Variants in FBXL8 observed in about 807,000 individuals in gnomAD.
FBXL8 encodes the protein F-box/LRR-repeat protein 8.
FBXL8 carries 13 observed loss-of-function variants against 8.2 expected under a neutral mutation model. The ratio of observed to expected loss-of-function variants is 1.58; its 90% CI spans 1.03 to 2.51. The LOEUF is 2.51. Among genes scored for constraint, FBXL8 ranks in the 30% most tolerant of loss-of-function variants. The pLI is 0.00. For missense variants in FBXL8, 565 were observed against 540.4 expected (o/e 1.05, Z -0.45); for synonymous variants, 271 against 260.5 (o/e 1.04, Z -0.39).
In FBXL8 at chr16:67,162,952, G is replaced by A. The variant is rs779380843; in HGVS notation, c.257G>A (p.Arg86His). Residue 86 changes from arginine (R) to histidine (H), a missense_variant, in exon 3 of 3, where the codon CGC becomes CAC. By Grantham distance (29) the Arg-to-His change is conservative (BLOSUM62 0). Transcript: ENST00000258200. ...LEFEPSRKPS[R>H]RAAIELLMVL... The stretch of plus-strand genomic sequence containing the variant: ...TTTGAGCCATCGAGGAAGCCGAGCC[G>A]CCGGGCGGCCATCGAGCTGCTGATG... 6 of 1,559,546 alleles carry A rather than the reference G, an allele frequency of 3.8e-6. No individual in the cohort carries two copies. The highest frequency in any genetic ancestry group is 2.4e-5 in the East Asian group (1 of 41,530).
At position 67,163,597 on chromosome 16, in the gene FBXL8, C is replaced by T. The variant is rs2031021534; in HGVS notation, c.902C>T (p.Ala301Val). The T allele has an allele frequency of 4.4e-6, 7 of 1,575,912 alleles. No homozygotes were observed. The highest frequency in any genetic ancestry group is 6.0e-6 in the Non-Finnish European group (7 of 1,169,996). The change falls in exon 3 of 3, where the codon GCA (alanine) becomes GTA (valine). Residue 301 changes from alanine to valine, a missense_variant. Transcript: ENST00000258200. Reference sequence around the variant, plus strand: ...CGCTTCGCAGCACACCACTACGCCGCAACCCTGTGCGCGCTCGAGGTGCGC... The same window carrying T: ...CGCTTCGCAGCACACCACTACGCCGTAACCCTGTGCGCGCTCGAGGTGCGC... The part of the protein sequence containing the change: ...PVRFAAHHYA[A>V]TLCALEVRAA...
chr16:67,164,045 C>T lies in FBXL8; in HGVS notation c.*225C>T, dbSNP rs1241662984. 1.4e-6 allele frequency: 1 copy of T among 718,730 alleles called. No individual in the cohort carries two copies. The highest frequency in any genetic ancestry group is 2.5e-6 in the Non-Finnish European group (1 of 401,868). 44.5% of individuals were successfully genotyped at this position (718,730 alleles called of 1,614,324 possible). A position where few individuals can be genotyped will look rare whatever the true frequency, so the allele number is the denominator to read the frequency against. On this transcript the variant is annotated 3_prime_UTR_variant, in exon 3 of 3. Transcript: ENST00000258200. Reference sequence around the variant, plus strand: ...CGCCCCACCCGCTCGGTCCTGGACACACTGCCCCCCTCTCTTGCCTCCACC... The same window carrying T: ...CGCCCCACCCGCTCGGTCCTGGACATACTGCCCCCCTCTCTTGCCTCCACC...
chr16:67,163,766 T>C lies in FBXL8; in HGVS notation c.1071T>C (p.Tyr357=), dbSNP rs751048283. ...CGCACTGCCCGCGCCTGCGCACCTA[T>C]ACCCTCAAGCTCACGCGCGAGCCGC... ...FRAHCPRLRT[Y]TLKLTREPHP... Residue 357 remains tyrosine (Y), a synonymous_variant, in exon 3 of 3, where the codon TAT becomes TAC. Transcript: ENST00000258200. 1 of 1,584,254 alleles carries C rather than the reference T, an allele frequency of 6.3e-7. No individual in the cohort carries two copies. Among genetic ancestry groups the C allele is most frequent in the South Asian group, 1.1e-5 (1 of 88,622 alleles).
intron 2 of FBXL8, 34 bp downstream of exon 2, chr16:67,161,971 G>T: frequency 6.4e-7 from 1 of 1,558,982 alleles, no homozygotes; most frequent in Non-Finnish European, 8.7e-7. Flanking sequence ...TCTCCCCACC[G>T]CCCACTCACC....
In FBXL8 at chr16:67,163,875, G is replaced by GA. The variant is rs1555549589; in HGVS notation, c.*55_*56insA. ...GACGTAAGCGCTCTGAGAGGGAACG[G>GA]GGGGGGTGTCCAGGCGCGCCCCGAG... On this transcript the variant is annotated 3_prime_UTR_variant, in exon 3 of 3. Coordinates refer to ENST00000258200, the MANE Select transcript of FBXL8 (RefSeq NM_018378.3). 13 of 1,526,696 alleles carry GA rather than the reference G, an allele frequency of 8.5e-6. No homozygotes were observed. In the Admixed American group the frequency reaches 1.4e-4, roughly 16 times the overall value. The allele number at this position is 1,526,696 out of a possible 1,614,324, so 94.6% of individuals were successfully genotyped here.
At position 67,163,968 on chromosome 16, in the gene FBXL8, G is replaced by C. The variant is rs1483382977; in HGVS notation, c.*148G>C. ...CCGAGTTGGGAACTGTGATGGCATC[G>C]GGACCAGTCCTGGGCGCCCTGAGAC... On this transcript the variant is annotated 3_prime_UTR_variant, in exon 3 of 3. Transcript: ENST00000258200. 8 of 1,261,534 alleles carry C rather than the reference G, an allele frequency of 6.3e-6. No individual in the cohort carries two copies. Among genetic ancestry groups the C allele is most frequent in the Middle Eastern group, 2.4e-4 (1 of 4,202 alleles). 78.1% of individuals were successfully genotyped at this position (1,261,534 alleles called of 1,614,324 possible).
intron 2 of FBXL8, 26 bp from the exon 3 acceptor site, chr16:67,162,822 C>A: frequency 6.5e-7 from 1 of 1,549,684 alleles, no homozygotes; most frequent in Non-Finnish European, 8.7e-7. Flanking sequence ...TCAGCTGAGG[C>A]CTTTTCTGCA....
In FBXL8 at chr16:67,161,773, C is replaced by A. The variant is rs750603635; in HGVS notation, c.-13C>A. On this transcript the variant is annotated 5_prime_UTR_variant, in exon 2 of 3. Coordinates refer to ENST00000258200, the MANE Select transcript of FBXL8 (RefSeq NM_018378.3). ...GGAGTGGCGGATCCTCCCACCCCAGCCGGATCTGGGCCATGGCCGAGCCTG... is the reference window on the plus strand; with the variant it reads ...GGAGTGGCGGATCCTCCCACCCCAGACGGATCTGGGCCATGGCCGAGCCTG... The A allele has an allele frequency of 1.3e-6, 2 of 1,584,986 alleles. No individual in the cohort carries two copies. The highest frequency in any genetic ancestry group is 1.1e-5 in the South Asian group (1 of 87,726).
chr16:67,163,970 G>A lies in FBXL8; in HGVS notation c.*150G>A, dbSNP rs1187111080. 5 of 1,242,972 alleles carry A rather than the reference G, an allele frequency of 4.0e-6. No homozygotes were observed. The highest frequency in any genetic ancestry group is 1.5e-5 in the African/African-American group (1 of 67,108). The allele number at this position is 1,242,972 out of a possible 1,614,324, so 77.0% of individuals were successfully genotyped here. On this transcript the variant is annotated 3_prime_UTR_variant, in exon 3 of 3. Coordinates refer to ENST00000258200, the MANE Select transcript of FBXL8 (RefSeq NM_018378.3). The stretch of plus-strand genomic sequence containing the variant: ...GAGTTGGGAACTGTGATGGCATCGG[G>A]ACCAGTCCTGGGCGCCCTGAGACCA...
In FBXL8 at chr16:67,163,158, C is replaced by G. The variant is rs1453455049; in HGVS notation, c.463C>G (p.Leu155Val). Reference sequence around the variant, plus strand: ...CTTCACACTGGACGACGCGCTGGTGCTGCAGGCGGCGCGCAGCTGTCCCGA... The same window carrying G: ...CTTCACACTGGACGACGCGCTGGTGGTGCAGGCGGCGCGCAGCTGTCCCGA... ...LSFTLDDALVLQAARSCPELH... is the reference protein window; with the variant it reads ...LSFTLDDALVVQAARSCPELH... The change falls in exon 3 of 3, where the codon CTG becomes GTG. Residue 155 changes from leucine (L) to valine (V), a missense_variant. Physicochemically the swap from Leu to Val is conservative, Grantham distance 32. Transcript: ENST00000258200. The G allele has an allele frequency of 6.4e-7, 1 of 1,565,144 alleles. No individual in the cohort carries two copies. Among genetic ancestry groups the G allele is most frequent in the Non-Finnish European group, 8.6e-7 (1 of 1,156,334 alleles).
rs558390665 is a variant in FBXL8 at position 67,163,840 on chromosome 16, C to G, written c.*20C>G. 2 of 1,530,004 alleles carry G rather than the reference C, an allele frequency of 1.3e-6. No individual in the cohort carries two copies. The highest frequency in any genetic ancestry group is 2.0e-5 in the Admixed American group (1 of 50,562). 94.8% of individuals were successfully genotyped at this position (1,530,004 alleles called of 1,614,324 possible). A position where few individuals can be genotyped will look rare whatever the true frequency, so the allele number is the denominator to read the frequency against. ...GCGTGATTGGGCGACTTCTCTCCCC[C>G]GTCCCCGTGGACGTAAGCGCTCTGA... On this transcript the variant is annotated 3_prime_UTR_variant, in exon 3 of 3. Coordinates refer to ENST00000258200, the MANE Select transcript of FBXL8 (RefSeq NM_018378.3).
Position 67,163,896 on chromosome 16 carries a change from C to A in FBXL8, c.*76C>A. On this transcript the variant is annotated 3_prime_UTR_variant, in exon 3 of 3. Transcript: ENST00000258200. ...AACGGGGGGGGTGTCCAGGCGCGCC[C>A]CGAGTGCTAGTGCCTTCTTTTGGGA... 2 of 1,524,198 alleles carry A rather than the reference C, an allele frequency of 1.3e-6. No individual in the cohort carries two copies. The highest frequency in any genetic ancestry group is 2.3e-5 in the East Asian group (1 of 43,382). 94.4% of individuals were successfully genotyped at this position (1,524,198 alleles called of 1,614,324 possible).
At position 67,163,002 on chromosome 16, in the gene FBXL8, C is replaced by T. The variant is rs375830131; in HGVS notation, c.307C>T (p.Leu103=). The T allele has an allele frequency of 1.0e-5, 16 of 1,554,284 alleles. No individual in the cohort carries two copies. Among genetic ancestry groups the T allele is most frequent in the Middle Eastern group, 1.7e-4 (1 of 5,986 alleles). ...LMVLAGRAPG[L]RGLRLECRGE... ...GGTTCTGGCGGGCCGTGCCCCGGGG[C>T]TGCGAGGCCTGCGCCTGGAGTGCCG... Residue 103 remains leucine (L), a synonymous_variant, in exon 3 of 3, where the codon CTG becomes TTG. Coordinates refer to ENST00000258200, the MANE Select transcript of FBXL8 (RefSeq NM_018378.3).
At position 67,163,729 on chromosome 16, in the gene FBXL8, A is replaced by T. The variant is rs1405607759; in HGVS notation, c.1034A>T (p.Asp345Val). 6 of 1,593,492 alleles carry T rather than the reference A, an allele frequency of 3.8e-6. No homozygotes were observed. The African/African-American group carries it at 6.8e-5, about 18-fold the overall frequency. Reference protein sequence around the residue: ...CFCVVSHSVLDAFRAHCPRLR... With the variant: ...CFCVVSHSVLVAFRAHCPRLR... ...TGCGTGGTGAGCCACTCGGTGCTGG[A>T]CGCCTTCCGCGCGCACTGCCCGCGC... Residue 345 changes from aspartate to valine, a missense_variant, in exon 3 of 3, where the codon GAC becomes GTC. By Grantham distance (152) the Asp-to-Val change is radical (BLOSUM62 -3). Coordinates refer to ENST00000258200, the MANE Select transcript of FBXL8 (RefSeq NM_018378.3).
rs761003885 is a variant in FBXL8 at position 67,161,866 on chromosome 16, C to A, written c.81C>A (p.Ala27=). The A allele has an allele frequency of 3.7e-6, 6 of 1,610,504 alleles. No individual in the cohort carries two copies. In the African/African-American group the frequency reaches 6.7e-5, roughly 18 times the overall value. The change falls in exon 2 of 3, where the codon GCC becomes GCA. Residue 27 remains alanine (A), a synonymous_variant. Coordinates refer to ENST00000258200, the MANE Select transcript of FBXL8 (RefSeq NM_018378.3). Reference sequence around the variant, plus strand: ...ACCTGTCCCTGAGAGACCGTGCTGCCGCCGCCAGGGTCTGCAGGGCCTGGG... The same window carrying A: ...ACCTGTCCCTGAGAGACCGTGCTGCAGCCGCCAGGGTCTGCAGGGCCTGGG... ...FRHLSLRDRA[A]AARVCRAWAA... is the part of the protein sequence containing the mutation.
In FBXL8 at chr16:67,163,584, C is replaced by T. The variant is rs1388430433; in HGVS notation, c.889C>T (p.His297Tyr). Residue 297 changes from histidine to tyrosine, a missense_variant, in exon 3 of 3, where the codon CAC (histidine) becomes TAC (tyrosine). Physicochemically the swap from His to Tyr is moderately conservative, Grantham distance 83 (BLOSUM62 2). Coordinates refer to ENST00000258200, the MANE Select transcript of FBXL8 (RefSeq NM_018378.3). ...CGTAGGCCCAGTGCGCTTCGCAGCACACCACTACGCCGCAACCCTGTGCGC... is the reference window on the plus strand; with the variant it reads ...CGTAGGCCCAGTGCGCTTCGCAGCATACCACTACGCCGCAACCCTGTGCGC... Reference protein sequence around the residue: ...DTVGPVRFAAHHYAATLCALE... With the variant: ...DTVGPVRFAAYHYAATLCALE... 6.3e-7 allele frequency: 1 copy of T among 1,579,476 alleles called. No homozygotes were observed. Among genetic ancestry groups the T allele is most frequent in the Non-Finnish European group, 8.5e-7 (1 of 1,171,190 alleles).
chr16:67,161,705 C>T lies in FBXL8; in HGVS notation c.-51-30C>T, dbSNP rs553369304. On this transcript the variant is annotated intron_variant, in intron 1 of 2. Transcript: ENST00000258200. ...TCTTCCTGCAACACTTTGCGCCTTC[C>T]CGACCTCAGAGACGTCCGTCTCTCT... is the stretch of plus-strand genomic sequence containing the variant. 9.7e-6 allele frequency: 14 copies of T among 1,448,088 alleles called. No individual in the cohort carries two copies. The East Asian group carries it at 3.6e-4, about 38-fold the overall frequency. 89.7% of individuals were successfully genotyped at this position (1,448,088 alleles called of 1,614,324 possible).
In FBXL8 at chr16:67,163,431, C is replaced by T. The variant is rs747897712; in HGVS notation, c.736C>T (p.Arg246Cys). Residue 246 changes from arginine (R) to cysteine (C), a missense_variant, in exon 3 of 3, where the codon CGC becomes TGC. Arg to Cys is a radical substitution (Grantham distance 180). Coordinates refer to ENST00000258200, the MANE Select transcript of FBXL8 (RefSeq NM_018378.3). Reference sequence around the variant, plus strand: ...GCCCAACGAAGCCTGGGTCGCGTTGCGCCGCCGCCACCCTGGGCTGGCAGT... The same window carrying T: ...GCCCAACGAAGCCTGGGTCGCGTTGTGCCGCCGCCACCCTGGGCTGGCAGT... ...PLPNEAWVAL[R>C]RRHPGLAVEL... 6.5e-7 allele frequency: 1 copy of T among 1,535,964 alleles called. No homozygotes were observed. Among genetic ancestry groups the T allele is most frequent in the Non-Finnish European group, 8.7e-7 (1 of 1,146,770 alleles).
Position 67,163,633 on chromosome 16 carries a change from C to A in FBXL8, c.938C>A (p.Ser313Ter). The A allele has an allele frequency of 6.4e-7, 1 of 1,566,292 alleles. No homozygotes were observed. Among genetic ancestry groups the A allele is most frequent in the Non-Finnish European group, 8.6e-7 (1 of 1,165,808 alleles). Residue 313 changes from serine (S) to a stop codon, truncating the protein, a stop_gained, in exon 3 of 3, where the codon TCG (serine) becomes TAG (stop). Transcript: ENST00000258200. LOFTEE classifies it high-confidence loss of function. ...LCALEVRAAASAELNAALEEL... is the reference protein window; with the variant it reads ...LCALEVRAAA ...GCGCTCGAGGTGCGCGCAGCCGCTT[C>A]GGCCGAGCTGAACGCCGCGCTGGAG... is the stretch of plus-strand genomic sequence containing the variant.
Sources: allele counts gnomAD v4.1 joint callset, GRCh38; gene constraint gnomAD v4.1.1; transcripts MANE v1.5; gene names NCBI Gene and HGNC (gene_info 2026-07-23, HGNC 2026-07-21).